RNLS: variants seen among roughly 807,000 people sequenced by gnomAD.
RNLS encodes renalase.
RNLS carries 39 observed loss-of-function variants against 39.8 expected under a neutral mutation model. The ratio of observed to expected loss-of-function variants is 0.98; its 90% CI spans 0.76 to 1.28. The LOEUF (loss-of-function observed/expected upper bound fraction) is 1.28, where lower values mean the gene tolerates loss of function less well. Among genes scored for constraint, RNLS ranks in the 50% most tolerant of loss-of-function variants. The pLI is 0.00. For synonymous variants in RNLS, 147 were observed against 150.7 expected, an observed-to-expected ratio of 0.98 and a Z score of 0.18; for missense variants, 410 against 413.3, an observed-to-expected ratio of 0.99 and a Z score of 0.07.
chr10:88,582,250 C>A lies in RNLS; in HGVS notation c.176G>T (p.Gly59Val), dbSNP rs1850627641. Residue 59 changes from glycine (G) to valine (V), a missense_variant, in exon 2 of 7, where the codon GGT becomes GTT. Coordinates refer to ENST00000331772, the MANE Select transcript of RNLS (RefSeq NM_001031709.3). Reference protein sequence around the residue: ...PHNPQCTADLGAQYITCTPHY... With the variant: ...PHNPQCTADLVAQYITCTPHY... ...AGGAGTGCAGGTGATGTACTGAGCA[C>A]CCAAGTCAGCTGTGCACTGAGGATT... The A allele has an allele frequency of 6.2e-7, 1 of 1,614,096 alleles. No individual in the cohort carries two copies. The highest frequency in any genetic ancestry group is 8.5e-7 in the Non-Finnish European group (1 of 1,179,996).
At chr10:88,487,199 T>C (rs1844580034) in intron 4 of RNLS, among the ~76,000 whole-genome samples, 2 of 152,014 alleles carry the variant, frequency 1.3e-5, no homozygotes, top group Admixed American at 6.6e-5. Context: ...TGGGGCCTAG[T>C]TGAGAGTAGA....
At chr10:88,251,432 C>T in the RNLS span, among the ~76,000 whole-genome samples, 1,898 of 152,328 alleles carry the variant, frequency 0.012, 34 homozygotes, top group African/African-American at 0.041. Context: ...TTTGAAAGAG[C>T]TCTTTTATCA....
At chr10:88,478,562 T>A (rs1288784240) in intron 4 of RNLS, among the ~76,000 whole-genome samples, 1 of 152,160 alleles carries the variant, frequency 6.6e-6, no homozygotes, top group Non-Finnish European at 1.5e-5. Flanking sequence ...CATCAAAGCA[T>A]GCCTGGGCAG....
At chr10:88,312,628 G>C (rs542178880) in intron 6 of RNLS, among the ~76,000 whole-genome samples, 1 of 152,270 alleles carries the variant, frequency 6.6e-6, no homozygotes, top group Non-Finnish European at 1.5e-5. Flanking sequence ...GTGAGGCTTC[G>C]TGTGCTCATC....
intron 4 of RNLS, among the ~76,000 whole-genome samples, chr10:88,389,199 C>G (rs575263958): frequency 6.6e-6 from 1 of 152,252 alleles, no homozygotes; most frequent in Non-Finnish European, 1.5e-5. Flanking sequence ...CTAAAGATGG[C>G]TATTTTGTAG....
the RNLS span, among the ~76,000 whole-genome samples, chr10:88,229,341 A>G: frequency 6.6e-6 from 1 of 152,190 alleles, no homozygotes; most frequent in Non-Finnish European, 1.5e-5. Flanking sequence ...CTCTCACAGT[A>G]GTTAGACCCC....
intron 4 of RNLS, among the ~76,000 whole-genome samples, chr10:88,520,661 GAATA>G (rs1472537619): frequency 6.6e-6 from 1 of 151,958 alleles, no homozygotes; most frequent in African/African-American, 2.4e-5. Context: ...CCATATCTCT[GAATA>G]AATATTTTAT....
intron 4 of RNLS, among the ~76,000 whole-genome samples, chr10:88,365,476 G>A (rs1849996428): frequency 2.0e-5 from 3 of 148,564 alleles, no homozygotes; most frequent in South Asian, 4.3e-4. Context: ...TCTTTACCTG[G>A]CTGTCATCCT....
At chr10:88,225,495 C>T in the RNLS span, among the ~76,000 whole-genome samples, 1 of 152,194 alleles carries the variant, frequency 6.6e-6, no homozygotes. Context: ...GGGAGGCTTG[C>T]TTAAGTCCAG....
chr10:88,496,289 G>C (rs1845169847), intron 4 of RNLS, among the ~76,000 whole-genome samples: 1 of 152,116 alleles, frequency 6.6e-6, no homozygotes, highest in African/African-American at 2.4e-5. Flanking sequence ...TGTAAAACTG[G>C]GTTCCCTCAG....
At chr10:88,362,259 G>A (rs1849694844) in intron 5 of RNLS, among the ~76,000 whole-genome samples, 1 of 151,916 alleles carries the variant, frequency 6.6e-6, no homozygotes. Context: ...TGTGCATATA[G>A]ATGCATCCAT....
At chr10:88,366,251 C>T (rs1850091513) in intron 4 of RNLS, among the ~76,000 whole-genome samples, 1 of 152,014 alleles carries the variant, frequency 6.6e-6, no homozygotes, top group Admixed American at 6.6e-5. Flanking sequence ...CTTGGATTTA[C>T]ACGGGAAGCT....
intron 4 of RNLS, among the ~76,000 whole-genome samples, chr10:88,386,726 C>T (rs1216700004): frequency 2.0e-5 from 3 of 152,160 alleles, no homozygotes; most frequent in African/African-American, 7.2e-5. Context: ...GATGTGAGGG[C>T]TGAGGACACC....
chr10:88,582,841 C>T (rs896103296), intron 1 of RNLS, among the ~76,000 whole-genome samples: 2 of 149,510 alleles, frequency 1.3e-5, no homozygotes, highest in African/African-American at 2.5e-5. Context: ...TCCTGCCGGG[C>T]CCCCACCCTC....
At chr10:88,571,564 C>T (rs896212229) in intron 4 of RNLS, among the ~76,000 whole-genome samples, 1 of 152,166 alleles carries the variant, frequency 6.6e-6, no homozygotes. Flanking sequence ...AAAATGAACA[C>T]CGTCAGCTAG....
intron 5 of RNLS, among the ~76,000 whole-genome samples, chr10:88,350,726 T>C (rs1386001229): frequency 6.6e-6 from 1 of 152,228 alleles, no homozygotes; most frequent in African/African-American, 2.4e-5. Context: ...GCATGATTTA[T>C]ATTCCTTTGG....
At chr10:88,487,707 T>C (rs925948408) in intron 4 of RNLS, among the ~76,000 whole-genome samples, 4 of 149,332 alleles carry the variant, frequency 2.7e-5, no homozygotes, top group African/African-American at 1.0e-4. Flanking sequence ...ATTTAACATA[T>C]GATCCAGCCA....
At chr10:88,410,618 G>A (rs932717491) in intron 4 of RNLS, among the ~76,000 whole-genome samples, 2 of 151,608 alleles carry the variant, frequency 1.3e-5, no homozygotes, top group Non-Finnish European at 1.5e-5. Flanking sequence ...CATCTCAATG[G>A]TATAATGAGT....
the RNLS span, among the ~76,000 whole-genome samples, chr10:88,246,945 T>C: frequency 2.6e-5 from 4 of 152,244 alleles, no homozygotes; most frequent in Non-Finnish European, 1.5e-5. Flanking sequence ...CTATTTTTTC[T>C]AGCCGTATGG....
Sources: gnomAD v4.1 joint callset for allele counts (sites outside exome capture counted in the v4.1 genomes callset) on GRCh38, gnomAD v4.1.1 for gene constraint, MANE v1.5 for transcripts, NCBI Gene and HGNC (gene_info 2026-07-23, HGNC 2026-07-21) for gene names.